KIF13A: variants seen among roughly 807,000 people sequenced by gnomAD.
KIF13A encodes the protein kinesin family member 13A.
Under a neutral mutation model 212.2 loss-of-function variants are expected in KIF13A, and 79 were observed. That is an observed-to-expected ratio of 0.37 (90% CI 0.31 to 0.45). KIF13A has a LOEUF of 0.45. Ranked by LOEUF, KIF13A falls within the 20% of genes least tolerant of loss-of-function variation. The pLI, the probability that KIF13A is intolerant of heterozygous loss-of-function variation, is 1.00. For synonymous variants in KIF13A, 789 were observed against 808.6 expected (o/e 0.98, Z 0.41); for missense variants, 1,901 against 2,209.0 (o/e 0.86, Z 2.79).
intron 2 of KIF13A, among the ~76,000 whole-genome samples, chr6:17,953,097 TA>T (rs951676069): frequency 1.3e-5 from 2 of 152,088 alleles, no homozygotes; most frequent in African/African-American, 4.8e-5. Context: ...TGTCCATCAT[TA>T]GGGGATTAAG....
intron 3 of KIF13A, among the ~76,000 whole-genome samples, chr6:17,894,982 T>C (rs1772431591): frequency 6.6e-6 from 1 of 152,216 alleles, no homozygotes; most frequent in African/African-American, 2.4e-5. Flanking sequence ...TTAACTCAAC[T>C]GGACCAGCTA....
At position 17,817,192 on chromosome 6, in the gene KIF13A, G is replaced by C. The variant is rs753700328; in HGVS notation, c.1828C>G (p.Leu610Val). The C allele has an allele frequency of 3.1e-6, 5 of 1,614,042 alleles. No individual in the cohort carries two copies. In the Admixed American group the frequency reaches 5.0e-5, roughly 16 times the overall value. Residue 610 changes from leucine (L) to valine (V), a missense_variant, in exon 17 of 39, where the codon CTA (leucine) becomes GTA (valine). By Grantham distance (32) the Leu-to-Val change is conservative (BLOSUM62 1). Coordinates refer to ENST00000259711, the MANE Select transcript of KIF13A (RefSeq NM_022113.6). ...TCTAGGGCACTTCTCTTTTCTTCTA[G>C]GTATTGTTTCTCCAGGACCTGAACC... Reference protein sequence around the residue: ...NVVQVLEKQYLEEKRSALEEQ... With the variant: ...NVVQVLEKQYVEEKRSALEEQ...
In KIF13A at chr6:17,783,101, C is replaced by T. The variant is rs1162090844; in HGVS notation, c.3544+545G>A. 6.6e-6 allele frequency among the ~76,000 whole-genome samples: 1 copy of T among 152,204 alleles called. No homozygotes were observed. The highest frequency in any genetic ancestry group is 2.4e-5 in the African/African-American group (1 of 41,444). On this transcript the variant is annotated intron_variant, in intron 29 of 38. Coordinates refer to ENST00000259711, the MANE Select transcript of KIF13A (RefSeq NM_022113.6). This position sits in a 1 kb window ranked among gnomAD's most constrained non-coding sequence, Gnocchi z 4.3. ...TGCCAAAGGATCTACCAGGATCCTGCCCACTGCAAACTCAGCAACTCTGCC... is the reference window on the plus strand; with the variant it reads ...TGCCAAAGGATCTACCAGGATCCTGTCCACTGCAAACTCAGCAACTCTGCC...
chr6:17,923,701 ATCTT>A (rs1775272104), intron 2 of KIF13A, among the ~76,000 whole-genome samples: 1 of 152,218 alleles, frequency 6.6e-6, no homozygotes, highest in African/African-American at 2.4e-5. Context: ...GCAGACCAAA[ATCTT>A]TCACGAGCTG....
rs1447216477 is a variant in KIF13A at position 17,919,214 on chromosome 6, G to C, written c.147-21034C>G. On this transcript the variant is annotated intron_variant, in intron 2 of 38. Coordinates refer to ENST00000259711, the MANE Select transcript of KIF13A (RefSeq NM_022113.6). This position sits in a 1 kb window ranked among gnomAD's most constrained non-coding sequence, Gnocchi z 4.1. ...GTGAAAATTGCAAACACATACGAATGGAATGTGAACAGCATCACATAACAT... is the reference window on the plus strand; with the variant it reads ...GTGAAAATTGCAAACACATACGAATCGAATGTGAACAGCATCACATAACAT... Among the ~76,000 whole-genome samples, 4 of 152,124 alleles carry C rather than the reference G, an allele frequency of 2.6e-5. No individual in the cohort carries two copies. The highest frequency in any genetic ancestry group is 4.4e-5 in the Non-Finnish European group (3 of 68,020).
intron 2 of KIF13A, among the ~76,000 whole-genome samples, chr6:17,929,442 C>T (rs1441433172): frequency 1.3e-5 from 2 of 149,480 alleles, no homozygotes; most frequent in African/African-American, 5.0e-5. Flanking sequence ...GCTCTGTTGG[C>T]CAGGCTGGAG....
intron 18 of KIF13A, among the ~76,000 whole-genome samples, chr6:17,806,803 C>T (rs532538610): frequency 3.9e-5 from 6 of 152,232 alleles, no homozygotes; most frequent in African/African-American, 7.2e-5. Context: ...CACTTGAACC[C>T]GGGAGGCGGA....
Position 17,968,316 on chromosome 6 carries a change from G to A in KIF13A, c.146+18738C>T, listed in dbSNP as rs934592262. 5.9e-5 allele frequency among the ~76,000 whole-genome samples: 9 copies of A among 152,172 alleles called. No individual in the cohort carries two copies. Among genetic ancestry groups the A allele is most frequent in the East Asian group, 3.9e-4 (2 of 5,188 alleles). On this transcript the variant is annotated intron_variant, in intron 2 of 38. Transcript: ENST00000259711. This position sits in a 1 kb window ranked among gnomAD's most constrained non-coding sequence, Gnocchi z 4.7. ...ACTCCAGGTGGAGCTGGAGGAAGAGGCCCTGGCAATCTACCAGTACCTCTC... is the reference window on the plus strand; with the variant it reads ...ACTCCAGGTGGAGCTGGAGGAAGAGACCCTGGCAATCTACCAGTACCTCTC...
intron 4 of KIF13A, among the ~76,000 whole-genome samples, chr6:17,858,194 T>C (rs1285498413): frequency 6.6e-6 from 1 of 151,892 alleles, no homozygotes; most frequent in East Asian, 1.9e-4. Flanking sequence ...GGAAAAAATA[T>C]ACCAAATTTA....
At chr6:17,820,788 T>A (rs1399865189) in intron 16 of KIF13A, among the ~76,000 whole-genome samples, 1 of 152,142 alleles carries the variant, frequency 6.6e-6, no homozygotes, top group African/African-American at 2.4e-5. Flanking sequence ...TAGGTAACTA[T>A]GCAATGAGCT....
In KIF13A at chr6:17,924,150, G is replaced by A. The variant is rs10484839; in HGVS notation, c.147-25970C>T. Among the ~76,000 whole-genome samples the A allele has an allele frequency of 4.8e-3, 724 of 152,240 alleles. 5 individuals are homozygous for A. Among genetic ancestry groups the A allele is most frequent in the Middle Eastern group, 0.01 (3 of 292 alleles). The stretch of plus-strand genomic sequence containing the variant: ...CACTGAATAAATATATGTTAAAACT[G>A]TGAGATATCTGAGCAGAGATGATAT... On this transcript the variant is annotated intron_variant, in intron 2 of 38. Transcript: ENST00000259711.
At chr6:17,942,716 G>A (rs980006195) in intron 2 of KIF13A, among the ~76,000 whole-genome samples, 2 of 152,118 alleles carry the variant, frequency 1.3e-5, no homozygotes, top group African/African-American at 4.8e-5. Context: ...AGTGGCTCAC[G>A]CCTGTAATCT....
At position 17,777,414 on chromosome 6, in the gene KIF13A, C is replaced by G; in HGVS notation, c.4093-60G>C. The G allele has an allele frequency of 6.7e-6, 9 of 1,347,824 alleles. No homozygotes were observed. Among genetic ancestry groups the G allele is most frequent in the Non-Finnish European group, 9.4e-6 (9 of 962,092 alleles). 83.5% of individuals were successfully genotyped at this position (1,347,824 alleles called of 1,614,324 possible). ...TTTTTTTTCCCCAGAGACAGAGTCT[C>G]ACTCTGTTGCCCAGGCTGGAGTGTA... On this transcript the variant is annotated intron_variant, in intron 33 of 38. Coordinates refer to ENST00000259711, the MANE Select transcript of KIF13A (RefSeq NM_022113.6). The surrounding 1 kb of genome is among the most constrained non-coding windows in gnomAD (Gnocchi z 4.4).
At chr6:17,976,122 C>T (rs190445936) in intron 2 of KIF13A, among the ~76,000 whole-genome samples, 4 of 152,252 alleles carry the variant, frequency 2.6e-5, no homozygotes, top group African/African-American at 4.8e-5. Flanking sequence ...AGGAGCCCAG[C>T]TGGCTTCACC....
chr6:17,889,930 A>C (rs1364647673), intron 3 of KIF13A, among the ~76,000 whole-genome samples: 2 of 152,158 alleles, frequency 1.3e-5, no homozygotes, highest in Non-Finnish European at 2.9e-5. Flanking sequence ...AGATCACCCG[A>C]GGTCGAGAGT....
intron 17 of KIF13A, among the ~76,000 whole-genome samples, chr6:17,814,589 T>C (rs1285716415): frequency 6.6e-6 from 1 of 151,550 alleles, no homozygotes; most frequent in Admixed American, 6.6e-5. Flanking sequence ...ATAACACAGG[T>C]GTTATTAGGA....
intron 2 of KIF13A, among the ~76,000 whole-genome samples, chr6:17,975,161 T>TA (rs1780217848): frequency 6.6e-6 from 1 of 152,048 alleles, no homozygotes; most frequent in Non-Finnish European, 1.5e-5. Context: ...CTGGCCAACA[T>TA]AGTGAAACCC....
Position 17,805,587 on chromosome 6 carries a change from A to C in KIF13A, c.2192T>G (p.Ile731Ser), listed in dbSNP as rs768256939. The C allele has an allele frequency of 3.1e-6, 5 of 1,610,858 alleles. No homozygotes were observed. The Admixed American group carries it at 8.4e-5, about 27-fold the overall frequency. Residue 731 changes from isoleucine to serine, a missense_variant, in exon 19 of 39, where the codon ATC (isoleucine) becomes AGC (serine). Coordinates refer to ENST00000259711, the MANE Select transcript of KIF13A (RefSeq NM_022113.6). Reference protein sequence around the residue: ...KRGAIVSEPAIQVRRKGKSTQ... With the variant: ...KRGAIVSEPASQVRRKGKSTQ... Reference sequence around the variant, plus strand: ...GCTCTTTCCTTTCCTCCTCACTTGGATAGCTGGTTCACTCACTATTGCACC... The same window carrying C: ...GCTCTTTCCTTTCCTCCTCACTTGGCTAGCTGGTTCACTCACTATTGCACC...
At chr6:17,976,132 C>T (rs966664358) in intron 2 of KIF13A, among the ~76,000 whole-genome samples, 3 of 152,242 alleles carry the variant, frequency 2.0e-5, no homozygotes, top group Admixed American at 6.5e-5. Context: ...CTGGCTTCAC[C>T]CAGTGGATCC....
Sources: gnomAD v4.1 joint callset for allele counts (sites outside exome capture counted in the v4.1 genomes callset) on GRCh38, gnomAD v4.1.1 for gene constraint, Gnocchi (gnomAD v3.1) non-coding constraint, MANE v1.5 for transcripts, NCBI Gene and HGNC (gene_info 2026-07-23, HGNC 2026-07-21) for gene names.